The following NCK2 variants were observed in gnomAD, a reference collection of about 807,000 sequenced individuals.
NCK2 encodes NCK adaptor protein 2.
NCK2 carries 16 observed loss-of-function variants against 33.9 expected under a neutral mutation model. That is an observed-to-expected ratio of 0.47 (90% confidence interval 0.32 to 0.72). NCK2 has a LOEUF of 0.72. Ranked by LOEUF, NCK2 falls within the 30% of genes least tolerant of loss-of-function variation. The probability of loss-of-function intolerance (pLI) is 0.03; values close to 1 mark genes in which losing one functional copy is unlikely to be tolerated. For missense variants in NCK2, 418 were observed against 537.3 expected (o/e 0.78, Z 2.19); for synonymous variants, 273 against 239.9 (o/e 1.14, Z -1.27).
chr2:105,750,755 G>C (rs1187972396), intron 1 of NCK2, among the ~76,000 whole-genome samples: 1 of 152,182 alleles, frequency 6.6e-6, no homozygotes, highest in Non-Finnish European at 1.5e-5. Context: ...CACTTATTTG[G>C]GGGTTGGTTT....
chr2:105,872,657 G>A (rs1678063527), intron 3 of NCK2, among the ~76,000 whole-genome samples: 1 of 152,204 alleles, frequency 6.6e-6, no homozygotes, highest in African/African-American at 2.4e-5. Context: ...TGAGAACTCT[G>A]AAGAAATGAA....
chr2:105,817,144 C>G (rs1353929556), intron 2 of NCK2, among the ~76,000 whole-genome samples: 1 of 143,020 alleles, frequency 7.0e-6, no homozygotes, highest in Non-Finnish European at 1.5e-5. Flanking sequence ...CCACTGCACT[C>G]CAGCCTGGGC....
chr2:105,828,848 G>A (rs755989418), intron 2 of NCK2, among the ~76,000 whole-genome samples: 32 of 152,200 alleles, frequency 2.1e-4, no homozygotes, highest in Non-Finnish European at 4.0e-4. Context: ...GCCACTGTCT[G>A]AAATGTCTTC....
At chr2:105,810,419 C>T (rs1002368525) in intron 1 of NCK2, among the ~76,000 whole-genome samples, 3 of 152,096 alleles carry the variant, frequency 2.0e-5, no homozygotes, top group Non-Finnish European at 4.4e-5. Flanking sequence ...CTCACTCTTC[C>T]CTCCCTCTTT....
At chr2:105,773,408 G>T (rs1366789594) in intron 1 of NCK2, among the ~76,000 whole-genome samples, 1 of 152,010 alleles carries the variant, frequency 6.6e-6, no homozygotes, top group African/African-American at 2.4e-5. Context: ...TGCTCATGCT[G>T]GTTTTTCATC....
At chr2:105,827,911 A>G (rs1055643160) in intron 2 of NCK2, among the ~76,000 whole-genome samples, 17 of 152,156 alleles carry the variant, frequency 1.1e-4, no homozygotes, top group African/African-American at 4.1e-4. Context: ...AGGAGTTTAC[A>G]CACATGATGA....
chr2:105,876,338 T>C (rs1008753941), intron 3 of NCK2, among the ~76,000 whole-genome samples: 1 of 152,210 alleles, frequency 6.6e-6, no homozygotes, highest in African/African-American at 2.4e-5. Context: ...ATGGGAGGCA[T>C]TGGAACTGTC....
intron 1 of NCK2, among the ~76,000 whole-genome samples, chr2:105,802,199 G>A (rs1288916225): frequency 6.6e-6 from 1 of 152,198 alleles, no homozygotes; most frequent in East Asian, 1.9e-4. Flanking sequence ...GGAAACTGAT[G>A]TGATGAAGTG....
intron 1 of NCK2, among the ~76,000 whole-genome samples, chr2:105,778,297 C>T (rs1289801313): frequency 6.6e-6 from 1 of 152,222 alleles, no homozygotes; most frequent in Non-Finnish European, 1.5e-5. Context: ...ATCCTGGAGG[C>T]ATGTGTCTCC....
chr2:105,787,316 T>G (rs1034000516), intron 1 of NCK2, among the ~76,000 whole-genome samples: 1 of 152,120 alleles, frequency 6.6e-6, no homozygotes, highest in African/African-American at 2.4e-5. Flanking sequence ...AAATTTTATG[T>G]CCCCCAGAAA....
At chr2:105,804,705 TACTC>T (rs1048808402) in intron 1 of NCK2, among the ~76,000 whole-genome samples, 3 of 152,372 alleles carry the variant, frequency 2.0e-5, no homozygotes, top group Non-Finnish European at 2.9e-5. Flanking sequence ...TTGAATGAAA[TACTC>T]AAGAAAACTA....
chr2:105,834,822 G>A (rs1335257912), intron 2 of NCK2, among the ~76,000 whole-genome samples: 6 of 151,904 alleles, frequency 3.9e-5, no homozygotes, highest in Non-Finnish European at 5.9e-5. Context: ...AGGTAGATGT[G>A]TGCTACCATG....
At chr2:105,834,870 G>A (rs1204758632) in intron 2 of NCK2, among the ~76,000 whole-genome samples, 1 of 151,814 alleles carries the variant, frequency 6.6e-6, no homozygotes, top group Admixed American at 6.6e-5. Context: ...TAGAGATGGG[G>A]TCTCATTGTA....
chr2:105,784,706 A>G (rs1055548295), intron 1 of NCK2, among the ~76,000 whole-genome samples: 7 of 152,206 alleles, frequency 4.6e-5, no homozygotes, highest in Non-Finnish European at 1.0e-4. Context: ...CTATAACACC[A>G]TCAAACTTGC....
chr2:105,855,514 C>T (rs995269149), intron 3 of NCK2: 2 of 465,890 alleles, frequency 4.3e-6, no homozygotes, highest in African/African-American at 1.9e-5. Context: ...TATGGAGACA[C>T]TTTGTGTGCT....
intron 3 of NCK2, among the ~76,000 whole-genome samples, chr2:105,868,082 C>G (rs1677833039): frequency 6.6e-6 from 1 of 151,958 alleles, no homozygotes; most frequent in Non-Finnish European, 1.5e-5. Flanking sequence ...GTGAAGCTGC[C>G]TGCCTGCAAG....
At chr2:105,812,862 A>C (rs1549769) in intron 1 of NCK2, among the ~76,000 whole-genome samples, 126,113 of 150,086 alleles carry the variant, frequency 0.84, 53,066 homozygotes, top group Middle Eastern at 0.88. Context: ...AGAAGCAGTA[A>C]CGTTGAAAAC....
intron 4 of NCK2, 137 bp from the exon 5 acceptor site, chr2:105,892,845 C>CA (rs34235939): frequency 0.24 from 113,703 of 465,990 alleles, 3,454 homozygotes; most frequent in Admixed American, 0.31. Flanking sequence ...AACTCCATCT[C>CA]AAAAAAAAAA....
intron 1 of NCK2, among the ~76,000 whole-genome samples, chr2:105,767,366 C>A (rs1689984225): frequency 6.6e-6 from 1 of 152,180 alleles, no homozygotes; most frequent in Non-Finnish European, 1.5e-5. Context: ...TCCCTTGTTT[C>A]CACAATAACC....
Sources: gnomAD v4.1 joint callset for allele counts (sites outside exome capture counted in the v4.1 genomes callset) on GRCh38, gnomAD v4.1.1 for gene constraint, MANE v1.5 for transcripts, NCBI Gene and HGNC (gene_info 2026-07-23, HGNC 2026-07-21) for gene names.